GALNT11: variants seen among roughly 807,000 people sequenced by gnomAD.
The protein encoded by GALNT11 is polypeptide N-acetylgalactosaminyltransferase 11, also known as UDP-GalNAc:polypeptide N-acetylgalactosaminyltransferase 11.
A neutral mutation model predicts 72.7 loss-of-function variants in GALNT11; 47 were observed. The ratio of observed to expected loss-of-function variants is 0.65; its 90% confidence interval spans 0.51 to 0.82. GALNT11 has a LOEUF of 0.82. GALNT11 is among the 40% of genes least tolerant of loss of function. The probability of loss-of-function intolerance (pLI) is 0.00; values close to 1 mark genes in which losing one functional copy is unlikely to be tolerated. For synonymous variants in GALNT11, 270 were observed against 286.6 expected (o/e 0.94, Z 0.58); for missense variants, 677 against 778.4 (o/e 0.87, Z 1.55).
At chr7:152,108,511 G>A (rs1021499018) in intron 6 of GALNT11, among the ~76,000 whole-genome samples, 1 of 152,232 alleles carries the variant, frequency 6.6e-6, no homozygotes, top group Non-Finnish European at 1.5e-5. Flanking sequence ...CTTAGAGCCT[G>A]TGAGAAGAGC....
At chr7:152,028,596 T>C (rs746339613) in intron 1 of GALNT11, among the ~76,000 whole-genome samples, 8 of 152,154 alleles carry the variant, frequency 5.3e-5, no homozygotes, top group Non-Finnish European at 1.0e-4. Context: ...AGAGCCCTGA[T>C]TGGTGCATTT....
At chr7:152,091,318 G>A (rs2086018992) in intron 1 of GALNT11, among the ~76,000 whole-genome samples, 1 of 151,918 alleles carries the variant, frequency 6.6e-6, no homozygotes, top group Admixed American at 6.6e-5. Flanking sequence ...TCGGCTCACT[G>A]CAACCTCCCC....
rs1380651521 is a variant in GALNT11, at chr7:152,116,544, AC to A, written c.1234-611del. On this transcript the variant is annotated intron_variant, in intron 8 of 11. Coordinates refer to ENST00000430044, the MANE Select transcript of GALNT11 (RefSeq NM_022087.4). Reference sequence around the variant, plus strand: ...GTGAGCCACTGCGCCTGGCCGATAGACCAGTACATTTTAATGCAACAGTGTA... The same window carrying A: ...GTGAGCCACTGCGCCTGGCCGATAGACAGTACATTTTAATGCAACAGTGTA... Among the ~76,000 whole-genome samples, 12 of 152,306 alleles carry A rather than the reference AC, an allele frequency of 7.9e-5. No homozygotes were observed. In the East Asian group the frequency reaches 2.3e-3, roughly 29 times the overall value.
At chr7:152,096,194 C>T (rs2086359636) in intron 2 of GALNT11, among the ~76,000 whole-genome samples, 1 of 152,136 alleles carries the variant, frequency 6.6e-6, no homozygotes, top group Non-Finnish European at 1.5e-5. Flanking sequence ...ATGTAGGTAT[C>T]ACCCAAAGCA....
At chr7:152,029,875 T>TTAAG (rs1195200761) in intron 1 of GALNT11, among the ~76,000 whole-genome samples, 3 of 152,292 alleles carry the variant, frequency 2.0e-5, no homozygotes, top group Non-Finnish European at 1.5e-5. Context: ...ACCTGCTGGG[T>TTAAG]TAAGGATTTT....
At chr7:152,062,042 T>C (rs917807390) in intron 1 of GALNT11, among the ~76,000 whole-genome samples, 4 of 152,240 alleles carry the variant, frequency 2.6e-5, no homozygotes, top group Non-Finnish European at 5.9e-5. Flanking sequence ...AGGGATGGCA[T>C]TGAATCTATA....
chr7:152,120,821 TC>T lies in GALNT11; in HGVS notation c.1558-9del, dbSNP rs765700629. 1 of 1,587,698 alleles carries T rather than the reference TC, an allele frequency of 6.3e-7. No individual in the cohort carries two copies. On this transcript the variant is annotated splice_polypyrimidine_tract_variant and intron_variant, in intron 10 of 11. Transcript: ENST00000430044. The stretch of plus-strand genomic sequence containing the variant: ...CGTTATCTAAATTTTATTTTATTTT[TC>T]TTCTCTAGATCTGGATCTATAATGA...
intron 6 of GALNT11, 45 bp downstream of exon 6, chr7:152,108,332 T>C: frequency 1.9e-6 from 3 of 1,567,504 alleles, no homozygotes; most frequent in Non-Finnish European, 1.7e-6. Flanking sequence ...AGTGCTTCCT[T>C]AAAAGAGAAC....
chr7:152,064,214 T>TG (rs1282884312), intron 1 of GALNT11, among the ~76,000 whole-genome samples: 1 of 152,078 alleles, frequency 6.6e-6, no homozygotes, highest in Non-Finnish European at 1.5e-5. Context: ...CGTTATGTGA[T>TG]GGCCTTGTCT....
chr7:152,091,258 T>A (rs1438419821), intron 1 of GALNT11, among the ~76,000 whole-genome samples: 2 of 151,584 alleles, frequency 1.3e-5, no homozygotes, highest in African/African-American at 4.8e-5. Context: ...TTTTTGTGTG[T>A]GAGTCGGAGT....
At chr7:152,082,207 C>T (rs998627557) in intron 1 of GALNT11, among the ~76,000 whole-genome samples, 5 of 152,160 alleles carry the variant, frequency 3.3e-5, no homozygotes, top group African/African-American at 4.8e-5. Flanking sequence ...GCTTGTTCCT[C>T]GGTGCTGTAA....
intron 8 of GALNT11, among the ~76,000 whole-genome samples, chr7:152,116,299 G>T (rs2088841412): frequency 6.6e-6 from 1 of 152,126 alleles, no homozygotes; most frequent in Non-Finnish European, 1.5e-5. Flanking sequence ...TGCCCAGGCT[G>T]TAGTGCAGTG....
intron 1 of GALNT11, among the ~76,000 whole-genome samples, chr7:152,085,682 A>G (rs1250502303): frequency 6.6e-6 from 1 of 151,918 alleles, no homozygotes; most frequent in Non-Finnish European, 1.5e-5. Context: ...TAGACATCTG[A>G]TTTCTTTGCA....
intron 10 of GALNT11, 119 bp from the exon 11 acceptor site, chr7:152,120,711 CT>C: frequency 1.2e-6 from 1 of 833,042 alleles, no homozygotes; most frequent in Admixed American, 2.2e-5. Context: ...CCCTGTAAGT[CT>C]AGTGCATTGG....
At chr7:152,100,969 T>G in intron 3 of GALNT11, 48 bp downstream of exon 3, 1 of 1,604,482 alleles carries the variant, frequency 6.2e-7, no homozygotes. Context: ...ACACGATGCT[T>G]TTAGTGTCAG....
rs774044576 is a variant in GALNT11, at chr7:152,120,830, G to T, written c.1558-1G>T. 1.3e-6 allele frequency: 2 copies of T among 1,597,814 alleles called. No homozygotes were observed. Among genetic ancestry groups the T allele is most frequent in the Admixed American group, 1.7e-5 (1 of 59,178 alleles). ...AATTTTATTTTATTTTTCTTCTCTA[G>T]ATCTGGATCTATAATGAAGAGCATG... On this transcript the variant is annotated splice_acceptor_variant, in intron 10 of 11. Transcript: ENST00000430044. LOFTEE classifies it high-confidence loss of function.
chr7:152,106,098 T>C (rs2087523329), intron 5 of GALNT11, among the ~76,000 whole-genome samples: 1 of 152,248 alleles, frequency 6.6e-6, no homozygotes, highest in Non-Finnish European at 1.5e-5. Context: ...TTTATGACTG[T>C]AATTAAAACA....
chr7:152,036,784 A>G (rs2082602372), intron 1 of GALNT11, among the ~76,000 whole-genome samples: 1 of 152,120 alleles, frequency 6.6e-6, no homozygotes, highest in Non-Finnish European at 1.5e-5. Flanking sequence ...AGCCATTTTA[A>G]CTGGGGTGAG....
At chr7:152,063,840 T>C (rs1012248560) in intron 1 of GALNT11, among the ~76,000 whole-genome samples, 5 of 152,356 alleles carry the variant, frequency 3.3e-5, no homozygotes, top group South Asian at 2.1e-4. Context: ...TTTCTTATAA[T>C]TTCTGTTCTT....
Sources: gnomAD v4.1 joint callset for allele counts (sites outside exome capture counted in the v4.1 genomes callset) on GRCh38, gnomAD v4.1.1 for gene constraint, MANE v1.5 for transcripts, NCBI Gene and HGNC (gene_info 2026-07-23, HGNC 2026-07-21) for gene names.